Variants in SPAG1 observed in about 807,000 individuals in gnomAD.
The protein encoded by SPAG1 is sperm associated antigen 1.
Under a neutral mutation model 100.5 loss-of-function variants are expected in SPAG1, and 69 were observed. The observed-to-expected ratio is 0.69, with a 90% CI of 0.57 to 0.84. SPAG1 has a LOEUF of 0.84. Ranked by LOEUF, SPAG1 falls within the 40% of genes least tolerant of loss-of-function variation. The probability of loss-of-function intolerance (pLI) is 0.00; values close to 1 mark genes in which losing one functional copy is unlikely to be tolerated. For missense variants in SPAG1, 955 were observed against 1,133.1 expected (o/e 0.84, Z 2.26); for synonymous variants, 336 against 411.6 (o/e 0.82, Z 2.22).
chr8:100,183,923 A>G, intron 5 of SPAG1, 33 bp from the exon 6 acceptor site: 3 of 1,015,376 alleles, frequency 3.0e-6, no homozygotes, highest in Non-Finnish European at 4.5e-6. Context: ...CCTGTATTGT[A>G]CTTTTTTGGT....
intron 3 of SPAG1, among the ~76,000 whole-genome samples, chr8:100,168,711 G>C (rs1815684697): frequency 3.4e-5 from 1 of 29,768 alleles, no homozygotes; most frequent in Non-Finnish European, 6.2e-5. Context: ...TGTTGAGACA[G>C]AGCTTTGCTC....
In SPAG1 at chr8:100,165,973, G is replaced by T. The variant is rs1298197445; in HGVS notation, c.300G>T (p.Lys100Asn). 6.2e-7 allele frequency: 1 copy of T among 1,605,072 alleles called. No homozygotes were observed. Among genetic ancestry groups the T allele is most frequent in the Non-Finnish European group, 8.5e-7 (1 of 1,176,456 alleles). ...GGGAAAAAATTGATGGTGATATAAA[G>T]GTATATAGTAATACCAATTTTCCAT... ...EEWEKIDGDI[K>N]SWVSEIKKEE... The change falls in exon 3 of 19, where the codon AAG becomes AAT. Residue 100 changes from lysine (K) to asparagine (N), a missense_variant and splice_region_variant. By Grantham distance (94) the Lys-to-Asn change is moderately conservative. Coordinates refer to ENST00000388798, the MANE Select transcript of SPAG1 (RefSeq NM_003114.5).
chr8:100,183,394 C>A lies in SPAG1; in HGVS notation c.446C>A (p.Pro149Gln). 2 of 1,440,592 alleles carry A rather than the reference C, an allele frequency of 1.4e-6. No homozygotes were observed. Among genetic ancestry groups the A allele is most frequent in the Admixed American group, 1.8e-5 (1 of 55,494 alleles). 89.2% of individuals were successfully genotyped at this position (1,440,592 alleles called of 1,614,324 possible). Residue 149 changes from proline (P) to glutamine (Q), a missense_variant, in exon 5 of 19, where the codon CCA (proline) becomes CAA (glutamine). By Grantham distance (76) the Pro-to-Gln change is moderately conservative. Transcript: ENST00000388798. Reference sequence around the variant, plus strand: ...TTTTAGGAAAAATATTCTAAAAGACCAACTAAAAAGAAAACTCCAAGGGAT... The same window carrying A: ...TTTTAGGAAAAATATTCTAAAAGACAAACTAAAAAGAAAACTCCAAGGGAT... ...HVGKEKYSKR[P>Q]TKKKTPRDYA...
rs2132443853 is a variant in SPAG1 at position 100,239,530 on chromosome 8, A to C, written c.2280+126A>C. On this transcript the variant is annotated intron_variant, in intron 17 of 18. Coordinates refer to ENST00000388798, the MANE Select transcript of SPAG1 (RefSeq NM_003114.5). This position sits in a 1 kb window ranked among gnomAD's most constrained non-coding sequence, Gnocchi z 5.0. The stretch of plus-strand genomic sequence containing the variant: ...TTTTTATTCTGATGATCAGTGACAA[A>C]ATTTTAACCAGCAACAAAATGTCTC... The C allele has an allele frequency of 1.5e-6, 1 of 656,606 alleles. No homozygotes were observed. The allele number at this position is 656,606 out of a possible 1,614,324, so 40.7% of individuals were successfully genotyped here.
intron 7 of SPAG1, among the ~76,000 whole-genome samples, chr8:100,185,509 G>A (rs1816547032): frequency 6.6e-6 from 1 of 152,118 alleles, no homozygotes; most frequent in South Asian, 2.1e-4. Flanking sequence ...TGTAAGATTT[G>A]TAACAGCAGA....
intron 12 of SPAG1, among the ~76,000 whole-genome samples, chr8:100,218,886 G>A (rs1438788464): frequency 1.3e-5 from 2 of 152,186 alleles, no homozygotes; most frequent in Non-Finnish European, 2.9e-5. Flanking sequence ...TGTGTACTGC[G>A]GTAGGCAGAG....
chr8:100,215,695 T>C (rs1817952634), intron 12 of SPAG1, among the ~76,000 whole-genome samples: 1 of 152,210 alleles, frequency 6.6e-6, no homozygotes, highest in Admixed American at 6.5e-5. Flanking sequence ...CGGCTAATTT[T>C]TTGTATTTTT....
Position 100,240,613 on chromosome 8 carries a change from A to G in SPAG1, c.2491A>G (p.Ile831Val). 6.2e-7 allele frequency: 1 copy of G among 1,614,210 alleles called. No individual in the cohort carries two copies. The highest frequency in any genetic ancestry group is 8.5e-7 in the Non-Finnish European group (1 of 1,180,020). ...AGAAGCCTGTGCACATCTTTTAGCC[A>G]TCACTGCACCAAAAGATTTGCCGAT... Reference protein sequence around the residue: ...DKEACAHLLAITAPKDLPMFL... With the variant: ...DKEACAHLLAVTAPKDLPMFL... The change falls in exon 18 of 19, where the codon ATC becomes GTC. Residue 831 changes from isoleucine to valine, a missense_variant. Physicochemically the swap from Ile to Val is conservative, Grantham distance 29. Transcript: ENST00000388798.
At chr8:100,203,327 T>TTG (rs1554657334) in intron 10 of SPAG1, among the ~76,000 whole-genome samples, 23 of 151,448 alleles carry the variant, frequency 1.5e-4, no homozygotes, top group Admixed American at 8.5e-4. Flanking sequence ...CTGAATAAGC[T>TTG]TATATATATA....
chr8:100,238,162 G>A (rs1201517376), intron 16 of SPAG1, among the ~76,000 whole-genome samples: 1 of 152,166 alleles, frequency 6.6e-6, no homozygotes, highest in Non-Finnish European at 1.5e-5. Flanking sequence ...AGAACGCTTA[G>A]GATATAAATA....
intron 9 of SPAG1, among the ~76,000 whole-genome samples, chr8:100,192,613 C>T (rs1367331535): frequency 2.6e-5 from 4 of 152,228 alleles, no homozygotes; most frequent in Non-Finnish European, 4.4e-5. Flanking sequence ...TATTGGGTTA[C>T]CTATCCCACT....
chr8:100,213,223 G>T lies in SPAG1; in HGVS notation c.1230G>T (p.Pro410=). 1 of 1,393,608 alleles carries T rather than the reference G, an allele frequency of 7.2e-7. No individual in the cohort carries two copies. 86.3% of individuals were successfully genotyped at this position (1,393,608 alleles called of 1,614,324 possible). ...GCGCGCCGCAGCGGGGCCAGACCCC[G>T]GAGGCCGGCGCGGACAAGCGGAGCC... is the stretch of plus-strand genomic sequence containing the variant. The part of the protein sequence containing the change: ...ARGAPQRGQT[P]EAGADKRSPR... The change falls in exon 11 of 19, where the codon CCG becomes CCT. Residue 410 remains proline (P), a synonymous_variant. Transcript: ENST00000388798.
chr8:100,236,946 G>C (rs1309858406), intron 16 of SPAG1, among the ~76,000 whole-genome samples: 1 of 152,132 alleles, frequency 6.6e-6, no homozygotes, highest in Non-Finnish European at 1.5e-5. Context: ...TATGGTTTCA[G>C]CAAAACTATT....
chr8:100,197,026 C>G (rs1297318101), intron 10 of SPAG1, among the ~76,000 whole-genome samples: 3 of 152,002 alleles, frequency 2.0e-5, no homozygotes, highest in Non-Finnish European at 4.4e-5. Context: ...GTAAATGGGA[C>G]TATAGGCACA....
intron 4 of SPAG1, among the ~76,000 whole-genome samples, chr8:100,178,472 T>A (rs989116536): frequency 6.6e-6 from 1 of 152,108 alleles, no homozygotes; most frequent in Admixed American, 6.5e-5. Context: ...TCCTTTTTAA[T>A]CTGTGGGCTC....
rs761019856 is a variant in SPAG1 at position 100,225,342 on chromosome 8, G to A, written c.1855+3G>A. 1 of 1,612,022 alleles carries A rather than the reference G, an allele frequency of 6.2e-7. No homozygotes were observed. The highest frequency in any genetic ancestry group is 1.7e-5 in the Admixed American group (1 of 59,986). On this transcript the variant is annotated splice_donor_region_variant and intron_variant, in intron 14 of 18. Transcript: ENST00000388798. ...CCATCGCCAGCAGGGCATCACAGGT[G>A]GGGGATGCCTGCACTCATTTCTTCT...
intron 10 of SPAG1, among the ~76,000 whole-genome samples, chr8:100,212,790 T>G (rs1258267467): frequency 1.3e-5 from 2 of 152,222 alleles, no homozygotes; most frequent in Non-Finnish European, 2.9e-5. Context: ...AGGGGATGGC[T>G]CTGAGATGCC....
intron 13 of SPAG1, among the ~76,000 whole-genome samples, chr8:100,221,633 A>C (rs1480172271): frequency 2.0e-5 from 3 of 152,174 alleles, no homozygotes; most frequent in African/African-American, 7.2e-5. Flanking sequence ...AACATACTAG[A>C]ATATAGTTGG....
intron 16 of SPAG1, among the ~76,000 whole-genome samples, chr8:100,238,761 G>A (rs1221644483): frequency 1.9e-5 from 2 of 105,162 alleles, no homozygotes; most frequent in Non-Finnish European, 4.7e-5. Context: ...ATAGGTTTAA[G>A]CCACTTATTA....
Sources: gnomAD v4.1 joint callset for allele counts (sites outside exome capture counted in the v4.1 genomes callset) on GRCh38, gnomAD v4.1.1 for gene constraint, Gnocchi (gnomAD v3.1) non-coding constraint, MANE v1.5 for transcripts, NCBI Gene and HGNC (gene_info 2026-07-23, HGNC 2026-07-21) for gene names.